The following PLB1 variants were observed in gnomAD, a reference collection of about 807,000 sequenced individuals.
PLB1 encodes phospholipase B1, membrane-associated.
In PLB1, 242 loss-of-function variants were observed where a neutral mutation model predicts 227.4. The ratio of observed to expected loss-of-function variants is 1.06; its 90% CI spans 0.96 to 1.18. PLB1 has a LOEUF of 1.18. Ranked by LOEUF, PLB1 falls within the 50% of genes most tolerant of loss-of-function variation. The probability of loss-of-function intolerance (pLI) is 0.00; values close to 1 mark genes in which losing one functional copy is unlikely to be tolerated. For missense variants in PLB1, 1,858 were observed against 1,816.3 expected (o/e 1.02, Z -0.42); for synonymous variants, 757 against 682.2 (o/e 1.11, Z -1.71).
intron 26 of PLB1, 139 bp from the exon 27 acceptor site, chr2:28,589,311 C>A: frequency 1.5e-6 from 1 of 652,536 alleles, no homozygotes; most frequent in Non-Finnish European, 2.7e-6. Context: ...AATGTAAAAT[C>A]TCAGTTGAGA....
chr2:28,552,911 T>C lies in PLB1; in HGVS notation c.1084-17T>C, dbSNP rs367559632. ...GAAAAATCCATTTTCCTTATTTCCC[T>C]GTGTGTCTCATTTCAGGTAAGAGAA... is the stretch of plus-strand genomic sequence containing the variant. On this transcript the variant is annotated splice_polypyrimidine_tract_variant and intron_variant, in intron 16 of 57. Transcript: ENST00000327757. 6.2e-6 allele frequency: 10 copies of C among 1,611,872 alleles called. No homozygotes were observed. Among genetic ancestry groups the C allele is most frequent in the African/African-American group, 5.3e-5 (4 of 75,016 alleles).
rs1688733343 is a variant in PLB1, at chr2:28,632,234, T to TA, written c.4002+96dup. The TA allele has an allele frequency of 5.1e-6, 5 of 986,728 alleles. No individual in the cohort carries two copies. In the Admixed American group the frequency reaches 9.5e-5, roughly 19 times the overall value. 61.1% of individuals were successfully genotyped at this position (986,728 alleles called of 1,614,324 possible). Reference sequence around the variant, plus strand: ...TCTCTAAGTGGGCTTTTTTTTTTTTTAACCATCTCTCTCCAAGAGGATTCC... The same window carrying TA: ...TCTCTAAGTGGGCTTTTTTTTTTTTTAAACCATCTCTCTCCAAGAGGATTCC... On this transcript the variant is annotated intron_variant, in intron 55 of 57. Coordinates refer to ENST00000327757, the MANE Select transcript of PLB1 (RefSeq NM_153021.5).
Position 28,598,691 on chromosome 2 carries a change from C to A in PLB1, c.2405C>A (p.Ala802Asp), listed in dbSNP as rs1165049639. The change falls in exon 35 of 58, where the codon GCC becomes GAC. Residue 802 changes from alanine (A) to aspartate (D), a missense_variant. Transcript: ENST00000327757. ...REFNRNLTGYAVGTGDANDTN... is the reference protein window; with the variant it reads ...REFNRNLTGYDVGTGDANDTN... ...TTTAACAGAAACCTCACAGGCTACG[C>A]CGTGGGCACGGGTGATGCCAATGAC... The A allele has an allele frequency of 1.2e-6, 2 of 1,614,220 alleles. No individual in the cohort carries two copies. The highest frequency in any genetic ancestry group is 1.1e-5 in the South Asian group (1 of 91,090).
chr2:28,612,865 C>T (rs562121353), intron 43 of PLB1, among the ~76,000 whole-genome samples: 1 of 151,178 alleles, frequency 6.6e-6, no homozygotes, highest in Non-Finnish European at 1.5e-5. Context: ...GATGAACCCC[C>T]CCTTGGCCTC....
Position 28,631,455 on chromosome 2 carries a change from G to A in PLB1, c.3898-581G>A, listed in dbSNP as rs1465227665. On this transcript the variant is annotated intron_variant, in intron 54 of 57. Transcript: ENST00000327757. ...TTGATGGGCCCTAAAAGCCCCAAAG[G>A]GTTCTCATGTTTTCACATCTTGGCT... Among the ~76,000 whole-genome samples the A allele has an allele frequency of 5.9e-5, 9 of 152,268 alleles. No individual in the cohort carries two copies. The East Asian group carries it at 1.7e-3, about 29-fold the overall frequency.
chr2:28,625,050 C>A lies in PLB1; in HGVS notation c.3528-7C>A, dbSNP rs374107968. On this transcript the variant is annotated splice_region_variant and splice_polypyrimidine_tract_variant and intron_variant, in intron 49 of 57. Coordinates refer to ENST00000327757, the MANE Select transcript of PLB1 (RefSeq NM_153021.5). ...CACTAACGCCCCTCTCTCTACCCCC[C>A]ACCTAGGGACATGCCAGCCCAGGCC... is the stretch of plus-strand genomic sequence containing the variant. 1.4e-5 allele frequency: 22 copies of A among 1,613,258 alleles called. No homozygotes were observed. The highest frequency in any genetic ancestry group is 1.6e-4 in the Middle Eastern group (1 of 6,080).
chr2:28,610,451 G>A (rs1041299309), intron 43 of PLB1, among the ~76,000 whole-genome samples: 5 of 151,978 alleles, frequency 3.3e-5, no homozygotes, highest in Admixed American at 6.6e-5. Context: ...ACACTCGGCC[G>A]GAACTAGCAC....
chr2:28,637,739 TCTC>T (rs1299256077), intron 56 of PLB1, among the ~76,000 whole-genome samples: 1 of 152,172 alleles, frequency 6.6e-6, no homozygotes, highest in Non-Finnish European at 1.5e-5. Flanking sequence ...TAACTCTTGC[TCTC>T]CTCCTTCTCC....
chr2:28,593,887 A>G (rs1025375805), intron 33 of PLB1, 133 bp downstream of exon 33: 20 of 803,428 alleles, frequency 2.5e-5, no homozygotes, highest in Middle Eastern at 2.2e-4. Context: ...AGAAAAAGCT[A>G]TATATTTCTG....
chr2:28,616,355 T>C (rs532784970), intron 44 of PLB1, among the ~76,000 whole-genome samples: 1 of 152,334 alleles, frequency 6.6e-6, no homozygotes, highest in South Asian at 2.1e-4. Context: ...TATGTACACT[T>C]AATATGTCAA....
intron 1 of PLB1, among the ~76,000 whole-genome samples, chr2:28,515,317 C>T (rs929718927): frequency 1.4e-4 from 22 of 152,168 alleles, no homozygotes; most frequent in Admixed American, 6.6e-5. Context: ...TTGTGGCTCC[C>T]CAGCCCAGCT....
At chr2:28,573,072 G>A in intron 20 of PLB1, 125 bp from the exon 21 acceptor site, 1 of 695,882 alleles carries the variant, frequency 1.4e-6, no homozygotes, top group Non-Finnish European at 2.5e-6. Context: ...CTGAGTGAAG[G>A]TTGGGGTAAG....
chr2:28,534,940 A>T (rs1671496372), intron 9 of PLB1, among the ~76,000 whole-genome samples: 3 of 152,164 alleles, frequency 2.0e-5, no homozygotes. Context: ...TTAGGTGCGC[A>T]CATTTTGGGT....
chr2:28,526,012 T>G, intron 6 of PLB1, 67 bp downstream of exon 6: 1 of 1,576,062 alleles, frequency 6.3e-7, no homozygotes, highest in African/African-American at 1.4e-5. Flanking sequence ...CAGCATCCTC[T>G]CTAATAAAGA....
intron 10 of PLB1, 49 bp downstream of exon 10, chr2:28,538,430 C>T (rs1174780160): frequency 1.3e-6 from 2 of 1,554,570 alleles, no homozygotes; most frequent in Middle Eastern, 4.5e-4. Flanking sequence ...GGCCCATTTA[C>T]CCTCATGTGG....
intron 14 of PLB1, chr2:28,548,373 A>T (rs547138990): frequency 5.0e-5 from 15 of 302,840 alleles, no homozygotes; most frequent in African/African-American, 3.3e-4. Context: ...TCAGTGAGCC[A>T]GAAAGTAGCT....
intron 26 of PLB1, among the ~76,000 whole-genome samples, chr2:28,588,615 C>T (rs1308017425): frequency 6.6e-6 from 1 of 152,156 alleles, no homozygotes; most frequent in Non-Finnish European, 1.5e-5. Flanking sequence ...GCTGAGTCAG[C>T]CTAGAGTGGG....
intron 17 of PLB1, among the ~76,000 whole-genome samples, chr2:28,553,595 A>G (rs545210477): frequency 6.6e-6 from 1 of 152,326 alleles, no homozygotes; most frequent in African/African-American, 2.4e-5. Context: ...AGCTATGGGC[A>G]TGTAACCTTG....
intron 46 of PLB1, among the ~76,000 whole-genome samples, chr2:28,619,519 G>GGTTTTTTTTTT (rs1553459984): frequency 1.6e-5 from 2 of 124,610 alleles, no homozygotes; most frequent in Non-Finnish European, 1.7e-5. Context: ...AAATTTCAAG[G>GGTTTTTTTTTT]TTTTGTTTTT....
Sources: allele counts gnomAD v4.1 joint callset (sites outside exome capture counted in the v4.1 genomes callset), GRCh38; gene constraint gnomAD v4.1.1; transcripts MANE v1.5; gene names NCBI Gene and HGNC (gene_info 2026-07-23, HGNC 2026-07-21).